The following CRADD variants were observed in gnomAD, a reference collection of about 807,000 sequenced individuals.
The protein encoded by CRADD is death domain-containing protein CRADD.
In CRADD, 9 loss-of-function variants were observed where a neutral mutation model predicts 15.5. The ratio of observed to expected loss-of-function variants is 0.58; its 90% CI spans 0.35 to 1.01. CRADD has a LOEUF of 1.01. CRADD is among the 50% of genes least tolerant of loss of function. The probability of loss-of-function intolerance (pLI) is 0.02; values close to 1 mark genes in which losing one functional copy is unlikely to be tolerated. For synonymous variants in CRADD, 118 were observed against 107.6 expected (o/e 1.10, Z -0.60); for missense variants, 227 against 250.3 (o/e 0.91, Z 0.63).
At chr12:93,841,655 G>A (rs987738899) in intron 2 of CRADD, among the ~76,000 whole-genome samples, 1 of 152,134 alleles carries the variant, frequency 6.6e-6, no homozygotes, top group Admixed American at 6.5e-5. Flanking sequence ...CTCCTACCCC[G>A]TGGGAAGATT....
chr12:93,824,148 A>G lies in CRADD; in HGVS notation c.299-25822A>G, dbSNP rs1418734908. ...CTGGAAACTCTCCTTTGAGTCTGTG[A>G]GTTTTGGTGTAAGCTCAGTGGCAAT... On this transcript the variant is annotated intron_variant, in intron 2 of 2. Transcript: ENST00000332896. The surrounding 1 kb of genome is among the most constrained non-coding windows in gnomAD (Gnocchi z 4.3). 1.3e-5 allele frequency among the ~76,000 whole-genome samples: 2 copies of G among 151,934 alleles called. No individual in the cohort carries two copies. The highest frequency in any genetic ancestry group is 1.3e-4 in the Admixed American group (2 of 15,256).
intron 2 of CRADD, among the ~76,000 whole-genome samples, chr12:93,860,936 C>A (rs899269399): frequency 3.9e-5 from 6 of 152,138 alleles, no homozygotes; most frequent in African/African-American, 1.4e-4. Flanking sequence ...TTATAAAAGC[C>A]CCCTCCTCTC....
chr12:93,706,034 T>C (rs1955943150), intron 2 of CRADD, among the ~76,000 whole-genome samples: 1 of 152,252 alleles, frequency 6.6e-6, no homozygotes. Context: ...TTTTCTTCTC[T>C]TATTCTGGAC....
chr12:93,822,920 A>G (rs1443658346), intron 2 of CRADD, among the ~76,000 whole-genome samples: 1 of 152,174 alleles, frequency 6.6e-6, no homozygotes, highest in African/African-American at 2.4e-5. Context: ...CAGTTTTATG[A>G]TTTCATGGAT....
At chr12:93,811,198 G>A (rs543318399) in intron 2 of CRADD, among the ~76,000 whole-genome samples, 2 of 152,196 alleles carry the variant, frequency 1.3e-5, no homozygotes, top group Non-Finnish European at 2.9e-5. Flanking sequence ...AATAAGAGCA[G>A]GCTGTCTTTG....
intron 2 of CRADD, among the ~76,000 whole-genome samples, chr12:93,856,406 C>T (rs542272297): frequency 1.3e-4 from 20 of 152,324 alleles, no homozygotes; most frequent in African/African-American, 3.8e-4. Context: ...AAGCCATAGT[C>T]TCTGCTCTCA....
chr12:93,843,420 G>A (rs1352967456), intron 2 of CRADD, among the ~76,000 whole-genome samples: 2 of 109,574 alleles, frequency 1.8e-5, no homozygotes, highest in African/African-American at 7.1e-5. Context: ...TTGCTCTGTT[G>A]TCCAGGTTGG....
chr12:93,875,649 C>G (rs749937357), intron 2 of CRADD, among the ~76,000 whole-genome samples: 3 of 152,166 alleles, frequency 2.0e-5, no homozygotes, highest in Middle Eastern at 3.4e-3. Flanking sequence ...GATACCAACA[C>G]TGTTTGCATA....
At chr12:93,893,411 T>A (rs1592644409) in intron 2 of CRADD, among the ~76,000 whole-genome samples, 1 of 151,232 alleles carries the variant, frequency 6.6e-6, no homozygotes, top group Non-Finnish European at 1.5e-5. Flanking sequence ...AAAAAAAAAA[T>A]TGAAGCCTCT....
intron 2 of CRADD, among the ~76,000 whole-genome samples, chr12:93,689,460 GA>G (rs1049782187): frequency 2.6e-5 from 4 of 151,804 alleles, no homozygotes; most frequent in African/African-American, 9.7e-5. Context: ...CTAAAAAAAA[GA>G]AAAAAAGGTA....
chr12:93,687,815 C>T (rs544272148), intron 2 of CRADD, among the ~76,000 whole-genome samples: 32 of 152,290 alleles, frequency 2.1e-4, no homozygotes, highest in Admixed American at 7.8e-4. Context: ...GAATCTCAGA[C>T]CCCATACAGG....
intron 2 of CRADD, among the ~76,000 whole-genome samples, chr12:93,781,669 A>G (rs1164005763): frequency 2.0e-5 from 3 of 152,180 alleles, no homozygotes; most frequent in African/African-American, 7.2e-5. Flanking sequence ...TCTTACCCAC[A>G]TCCCCTCCCT....
At chr12:93,884,195 CAA>C (rs1018893431) in intron 2 of CRADD, among the ~76,000 whole-genome samples, 4 of 152,180 alleles carry the variant, frequency 2.6e-5, no homozygotes, top group African/African-American at 9.7e-5. Context: ...AGTCAAATAA[CAA>C]AGTACTGCAT....
intron 2 of CRADD, among the ~76,000 whole-genome samples, chr12:93,717,914 C>T (rs1956190484): frequency 6.6e-6 from 1 of 152,180 alleles, no homozygotes; most frequent in South Asian, 2.1e-4. Flanking sequence ...GTTGTTCCAG[C>T]ACCATTTGTT....
rs187209410 is a variant in CRADD, at chr12:93,840,591, A to C, written c.299-9379A>C. ...TTTTTTTCTTCTTTTTTTGAGATGG[A>C]GTTTCACTCTTGTTGCCCAGGCTGG... On this transcript the variant is annotated intron_variant, in intron 2 of 2. Transcript: ENST00000332896. Among the ~76,000 whole-genome samples the C allele has an allele frequency of 4.5e-4, 67 of 149,694 alleles. No individual in the cohort carries two copies. In the East Asian group the frequency reaches 0.01, roughly 23 times the overall value.
chr12:93,763,567 T>C (rs184128974), intron 2 of CRADD, among the ~76,000 whole-genome samples: 55 of 152,350 alleles, frequency 3.6e-4, no homozygotes, highest in African/African-American at 1.3e-3. Flanking sequence ...TAATTCTTAT[T>C]AGCATTTTGG....
chr12:93,818,047 C>G (rs1957726758), intron 2 of CRADD, among the ~76,000 whole-genome samples: 1 of 152,168 alleles, frequency 6.6e-6, no homozygotes, highest in African/African-American at 2.4e-5. Flanking sequence ...AGACCCAGAG[C>G]AGATCAGGCT....
chr12:93,870,120 G>T (rs1206906874), intron 2 of CRADD, among the ~76,000 whole-genome samples: 1 of 152,194 alleles, frequency 6.6e-6, no homozygotes, highest in African/African-American at 2.4e-5. Flanking sequence ...GAATGATTTA[G>T]AGGTGGGAGC....
intron 2 of CRADD, among the ~76,000 whole-genome samples, chr12:93,794,811 G>T (rs1957395027): frequency 6.6e-6 from 1 of 152,140 alleles, no homozygotes; most frequent in African/African-American, 2.4e-5. Context: ...GCCCCACCCT[G>T]CCAGGACTCA....
Sources: allele counts gnomAD v4.1 joint callset (sites outside exome capture counted in the v4.1 genomes callset), GRCh38; gene constraint gnomAD v4.1.1; non-coding constraint Gnocchi (gnomAD v3.1); transcripts MANE v1.5; gene names NCBI Gene and HGNC (gene_info 2026-07-23, HGNC 2026-07-21).